Variants in ZPLD1 observed in about 807,000 individuals in gnomAD.
ZPLD1 encodes the protein zona pellucida like domain containing 1.
Under a neutral mutation model 47.2 loss-of-function variants are expected in ZPLD1, and 34 were observed. The observed-to-expected ratio is 0.72, with a 90% CI of 0.55 to 0.96. The LOEUF (loss-of-function observed/expected upper bound fraction) is 0.96, where lower values mean the gene tolerates loss of function less well. Among genes scored for constraint, ZPLD1 ranks in the 40% least tolerant of loss-of-function variants. The pLI, the probability that ZPLD1 is intolerant of heterozygous loss-of-function variation, is 0.00. For missense variants in ZPLD1, 512 were observed against 505.8 expected (o/e 1.01, Z -0.12); for synonymous variants, 176 against 186.2 (o/e 0.95, Z 0.45).
intron 10 of ZPLD1, among the ~76,000 whole-genome samples, chr3:102,471,447 T>C (rs1323597922): frequency 1.3e-5 from 2 of 152,262 alleles, no homozygotes; most frequent in Non-Finnish European, 2.9e-5. Context: ...TCTCATCTAC[T>C]GCATTCATTT....
chr3:102,427,167 T>G (rs1240143577), intron 8 of ZPLD1, among the ~76,000 whole-genome samples: 1 of 152,198 alleles, frequency 6.6e-6, no homozygotes, highest in Non-Finnish European at 1.5e-5. Context: ...TTTTATTTCG[T>G]GATTATTGCT....
intron 8 of ZPLD1, among the ~76,000 whole-genome samples, chr3:102,426,565 T>A (rs1706951028): frequency 6.6e-6 from 1 of 152,196 alleles, no homozygotes. Flanking sequence ...TCTTTCCTTT[T>A]AATTATTAAT....
At chr3:102,424,215 C>T (rs564835014) in intron 8 of ZPLD1, among the ~76,000 whole-genome samples, 1 of 152,192 alleles carries the variant, frequency 6.6e-6, no homozygotes, top group South Asian at 2.1e-4. Flanking sequence ...ATAAATTGTC[C>T]TCGTCTCTCC....
At chr3:102,427,151 A>G (rs962097903) in intron 8 of ZPLD1, among the ~76,000 whole-genome samples, 4 of 152,218 alleles carry the variant, frequency 2.6e-5, no homozygotes, top group African/African-American at 9.6e-5. Flanking sequence ...AATTACCAGC[A>G]GCCTATTTTA....
Position 102,479,808 on chromosome 3 carries a change from A to T in ZPLD1, c.*2190A>T, listed in dbSNP as rs1707813866. On this transcript the variant is annotated 3_prime_UTR_variant, in exon 12 of 12. Transcript: ENST00000466937. ...GGTAAGGTCTGATGACATGTAAAAG[A>T]TGATCGTTTAATAAAATAATTGTTT... 1 of 152,112 alleles carries T rather than the reference A, an allele frequency of 6.6e-6. No homozygotes were observed. The highest frequency in any genetic ancestry group is 6.5e-5 in the Admixed American group (1 of 15,268). 9.4% of individuals were successfully genotyped at this position (152,112 alleles called of 1,614,324 possible).
chr3:102,408,303 C>T (rs1265689486), intron 7 of ZPLD1, among the ~76,000 whole-genome samples: 1 of 151,744 alleles, frequency 6.6e-6, no homozygotes, highest in Non-Finnish European at 1.5e-5. Flanking sequence ...TAGGTTTGCT[C>T]CATTTCTCAG....
intron 3 of ZPLD1, among the ~76,000 whole-genome samples, chr3:102,445,403 CT>C (rs1707241927): frequency 6.6e-6 from 1 of 152,176 alleles, no homozygotes; most frequent in Admixed American, 6.5e-5. Context: ...AAACTTTTCT[CT>C]CTTGTAAGCA....
intron 7 of ZPLD1, among the ~76,000 whole-genome samples, chr3:102,414,888 T>C (rs1706787309): frequency 6.6e-6 from 1 of 151,866 alleles, no homozygotes; most frequent in Non-Finnish European, 1.5e-5. Flanking sequence ...TCTCTTTTTG[T>C]GGTAAAATAA....
chr3:102,408,182 G>A (rs1240382200), intron 7 of ZPLD1, among the ~76,000 whole-genome samples: 1 of 151,724 alleles, frequency 6.6e-6, no homozygotes, highest in African/African-American at 2.4e-5. Flanking sequence ...TTACACCAAT[G>A]TTGTTTTCCT....
chr3:102,435,083 T>TA lies in ZPLD1; in HGVS notation c.-190dup. ...TCAGAAAAGTATTTAGGGACTGTGC[T>TA]AAAATAGCATCTCCAAGCTTGCTAT... On this transcript the variant is annotated 5_prime_UTR_variant, in exon 1 of 12. Coordinates refer to ENST00000466937, the MANE Select transcript of ZPLD1 (RefSeq NM_001329788.2). 6.2e-7 allele frequency: 1 copy of TA among 1,613,786 alleles called. No individual in the cohort carries two copies. Among genetic ancestry groups the TA allele is most frequent in the Non-Finnish European group, 8.5e-7 (1 of 1,179,694 alleles).
At chr3:102,459,089 CAAAAAAAAAAA>C (rs767071660) in intron 6 of ZPLD1, among the ~76,000 whole-genome samples, 1,267 of 25,876 alleles carry the variant, frequency 0.049, 23 homozygotes, top group African/African-American at 0.13. Flanking sequence ...GACTCCGTCT[CAAAAAAAAAAA>C]AAAAAAAAAA....
At chr3:102,442,691 T>A (rs764960614) in intron 3 of ZPLD1, among the ~76,000 whole-genome samples, 15 of 152,166 alleles carry the variant, frequency 9.9e-5, no homozygotes, top group Non-Finnish European at 2.2e-4. Flanking sequence ...AAAGGGGCTA[T>A]CTAAATGCAA....
At chr3:102,465,685 A>G (rs532515458) in intron 8 of ZPLD1, among the ~76,000 whole-genome samples, 180 of 152,298 alleles carry the variant, frequency 1.2e-3, no homozygotes, top group Non-Finnish European at 2.3e-3. Context: ...TTAGTTCTGA[A>G]TCTTTTCAGT....
At chr3:102,455,195 T>C (rs566100688) in intron 4 of ZPLD1, among the ~76,000 whole-genome samples, 2 of 152,354 alleles carry the variant, frequency 1.3e-5, no homozygotes, top group Admixed American at 1.3e-4. Flanking sequence ...TTGAAAATTA[T>C]CACAGGTCTT....
At chr3:102,404,700 G>C (rs1173183120) in intron 7 of ZPLD1, among the ~76,000 whole-genome samples, 1 of 151,968 alleles carries the variant, frequency 6.6e-6, no homozygotes, top group Non-Finnish European at 1.5e-5. Flanking sequence ...CCAATGCAGA[G>C]CAAGATGTAT....
At chr3:102,470,223 G>T (rs1559761892) in intron 9 of ZPLD1, among the ~76,000 whole-genome samples, 171 bp from the exon 10 acceptor site, 1 of 152,106 alleles carries the variant, frequency 6.6e-6, no homozygotes, top group Non-Finnish European at 1.5e-5. Flanking sequence ...CCCAAGCCAG[G>T]GTAAGAAACA....
In ZPLD1 at chr3:102,428,562, G is replaced by A. The variant is rs183598128; in HGVS notation, c.-8-9918G>A. Among the ~76,000 whole-genome samples, 5 of 151,868 alleles carry A rather than the reference G, an allele frequency of 3.3e-5. No homozygotes were observed. In the East Asian group the frequency reaches 9.7e-4, roughly 29 times the overall value. On this transcript the variant is annotated intron_variant, in intron 8 of 17. Transcript: ENST00000491959. ...TTATATGCAAAAGCATTTGATTGAT[G>A]TACTGAAAAGAAATCAAATATACTA... is the stretch of plus-strand genomic sequence containing the variant.
intron 2 of ZPLD1, among the ~76,000 whole-genome samples, chr3:102,437,675 G>T (rs537611683): frequency 8.5e-5 from 13 of 152,142 alleles, no homozygotes; most frequent in Non-Finnish European, 1.9e-4. Flanking sequence ...CCAGGAAAAA[G>T]AATTATTAAA....
At chr3:102,456,543 T>TCA (rs1707416761) in intron 5 of ZPLD1, among the ~76,000 whole-genome samples, 169 bp downstream of exon 5, 1 of 125,326 alleles carries the variant, frequency 8.0e-6, no homozygotes, top group Non-Finnish European at 1.7e-5. Flanking sequence ...TGTTTATCTA[T>TCA]TATATCTATC....
Sources: allele counts gnomAD v4.1 joint callset (sites outside exome capture counted in the v4.1 genomes callset), GRCh38; gene constraint gnomAD v4.1.1; transcripts MANE v1.5; gene names NCBI Gene and HGNC (gene_info 2026-07-23, HGNC 2026-07-21).